ADK: variants seen among roughly 807,000 people sequenced by gnomAD.
The protein encoded by ADK is N6,N6-dimethyladenosine kinase.
ADK carries 24 observed loss-of-function variants against 44.7 expected under a neutral mutation model. The ratio of observed to expected loss-of-function variants is 0.54; its 90% CI spans 0.39 to 0.76. ADK has a LOEUF of 0.76. Among genes scored for constraint, ADK ranks in the 30% least tolerant of loss-of-function variants. ADK has a pLI of 0.00. For synonymous variants in ADK, 128 were observed against 142.6 expected, an observed-to-expected ratio of 0.90 and a Z score of 0.73; for missense variants, 321 against 425.1, an observed-to-expected ratio of 0.76 and a Z score of 2.15.
At chr10:74,505,320 G>A (rs1159763255) in intron 6 of ADK, among the ~76,000 whole-genome samples, 1 of 152,078 alleles carries the variant, frequency 6.6e-6, no homozygotes, top group Non-Finnish European at 1.5e-5. Flanking sequence ...TGAATAACTG[G>A]AATCATTCTG....
chr10:74,247,222 AAGT>A (rs1845450875), intron 3 of ADK, among the ~76,000 whole-genome samples: 3 of 97,470 alleles, frequency 3.1e-5, no homozygotes, highest in Non-Finnish European at 4.3e-5. Context: ...TTTTTTTTTT[AAGT>A]TTTTTTTTTT....
chr10:74,463,212 G>C (rs1031964949), intron 6 of ADK, among the ~76,000 whole-genome samples: 5 of 152,258 alleles, frequency 3.3e-5, no homozygotes, highest in South Asian at 2.1e-4. Flanking sequence ...AGGGCAGGGT[G>C]GGGGAGGGGT....
intron 6 of ADK, among the ~76,000 whole-genome samples, chr10:74,474,477 C>G (rs1213690336): frequency 6.6e-6 from 1 of 151,418 alleles, no homozygotes; most frequent in Non-Finnish European, 1.5e-5. Context: ...TTCTTTCTTT[C>G]TTTTTCTCTC....
intron 10 of ADK, among the ~76,000 whole-genome samples, chr10:74,699,148 C>CTTTTTTT (rs58818883): frequency 8.1e-6 from 1 of 123,938 alleles, no homozygotes; most frequent in Non-Finnish European, 1.6e-5. Context: ...CCAACCTAGC[C>CTTTTTTT]TTTTTTTTTT....
intron 4 of ADK, among the ~76,000 whole-genome samples, chr10:74,335,650 C>T (rs1431187721): frequency 6.6e-6 from 1 of 152,010 alleles, no homozygotes; most frequent in Non-Finnish European, 1.5e-5. Context: ...TTTCACATTC[C>T]CACTAGTAAT....
chr10:74,441,233 A>G (rs1158210639), intron 6 of ADK, among the ~76,000 whole-genome samples: 1 of 152,176 alleles, frequency 6.6e-6, no homozygotes, highest in African/African-American at 2.4e-5. Context: ...GCTTTATCTT[A>G]ACACCCACTA....
In ADK at chr10:74,475,611, GC is replaced by G. The variant is rs529068746; in HGVS notation, c.556-49644del. On this transcript the variant is annotated intron_variant, in intron 6 of 10. Transcript: ENST00000539909. ...AGACCTAGCTACTTGGGAGGTTTAG[GC>G]AGGAGAATTGCATGAGCCCAGGAGG... Among the ~76,000 whole-genome samples the G allele has an allele frequency of 1.1e-4, 16 of 152,106 alleles. No individual in the cohort carries two copies. In the East Asian group the frequency reaches 2.9e-3, roughly 28 times the overall value.
intron 3 of ADK, among the ~76,000 whole-genome samples, chr10:74,262,140 G>A (rs1393346302): frequency 6.6e-6 from 1 of 151,872 alleles, no homozygotes; most frequent in Non-Finnish European, 1.5e-5. Flanking sequence ...CCAACATGGC[G>A]AAACCCTGTG....
chr10:74,638,657 A>C (rs1047118443), intron 9 of ADK, among the ~76,000 whole-genome samples: 4 of 152,204 alleles, frequency 2.6e-5, no homozygotes, highest in Non-Finnish European at 5.9e-5. Flanking sequence ...ACCATGTCTC[A>C]TTCAATCAAA....
At chr10:74,286,977 G>A (rs1048731003) in intron 3 of ADK, among the ~76,000 whole-genome samples, 14 of 152,022 alleles carry the variant, frequency 9.2e-5, no homozygotes, top group Admixed American at 4.6e-4. Context: ...ATGAGCCACC[G>A]CGAGTGGTCT....
chr10:74,205,977 A>G (rs955047687), intron 2 of ADK, among the ~76,000 whole-genome samples: 1 of 152,226 alleles, frequency 6.6e-6, no homozygotes, highest in Admixed American at 6.5e-5. Context: ...TATGTCAGTT[A>G]TATATCAAAG....
chr10:74,224,010 A>G (rs7073742), intron 2 of ADK, among the ~76,000 whole-genome samples: 4,847 of 152,218 alleles, frequency 0.032, 274 homozygotes, highest in African/African-American at 0.11. Context: ...AATCGCTTGA[A>G]CAGGTTGCAC....
At chr10:74,485,609 T>A (rs1847240190) in intron 6 of ADK, among the ~76,000 whole-genome samples, 1 of 152,136 alleles carries the variant, frequency 6.6e-6, no homozygotes, top group Non-Finnish European at 1.5e-5. Flanking sequence ...AAATGCTGCA[T>A]AAAATTAGAA....
intron 9 of ADK, among the ~76,000 whole-genome samples, chr10:74,614,292 A>G (rs1229113185): frequency 6.6e-6 from 1 of 152,140 alleles, no homozygotes; most frequent in Non-Finnish European, 1.5e-5. Context: ...GCCCTATTAT[A>G]GCACTGATTT....
At chr10:74,436,399 G>T (rs1845179610) in intron 6 of ADK, among the ~76,000 whole-genome samples, 1 of 150,784 alleles carries the variant, frequency 6.6e-6, no homozygotes, top group South Asian at 2.1e-4. Flanking sequence ...ATAAGGAATA[G>T]AAAATATATT....
intron 2 of ADK, among the ~76,000 whole-genome samples, chr10:74,206,049 CTT>C (rs1843584684): frequency 6.6e-6 from 1 of 151,984 alleles, no homozygotes. Flanking sequence ...AATTAGATCT[CTT>C]TTGTTTGTGT....
At chr10:74,572,966 G>C (rs1489146002) in intron 7 of ADK, among the ~76,000 whole-genome samples, 1 of 152,200 alleles carries the variant, frequency 6.6e-6, no homozygotes, top group Middle Eastern at 3.4e-3. Context: ...CTGTAGCTCG[G>C]AGTAGTTTGA....
At position 74,609,679 on chromosome 10, in the gene ADK, A is replaced by C. The variant is rs549884624; in HGVS notation, c.877+9186A>C. On this transcript the variant is annotated intron_variant, in intron 9 of 10. Coordinates refer to ENST00000539909, the MANE Select transcript of ADK (RefSeq NM_006721.4). ...GGAGGTGCAGACCGGAGCTGTTCCT[A>C]TTCAGCCATCTTGCCAGCCACCCAA... is the stretch of plus-strand genomic sequence containing the variant. Among the ~76,000 whole-genome samples the C allele has an allele frequency of 4.6e-5, 7 of 152,168 alleles. No individual in the cohort carries two copies. In the South Asian group the frequency reaches 1.2e-3, roughly 27 times the overall value.
chr10:74,380,484 G>A lies in ADK; in HGVS notation c.274-13657G>A, dbSNP rs553482148. ...TGAGAAGAATAGTTCTTCTCCGGGC[G>A]CAGTGGCTCACATCTGTAATCCCAG... On this transcript the variant is annotated intron_variant, in intron 4 of 10. Coordinates refer to ENST00000539909, the MANE Select transcript of ADK (RefSeq NM_006721.4). 2.2e-3 allele frequency among the ~76,000 whole-genome samples: 337 copies of A among 152,154 alleles called. 2 individuals carry two copies. The highest frequency in any genetic ancestry group is 3.4e-3 in the Non-Finnish European group (232 of 68,006).
Sources: gnomAD v4.1 joint callset for allele counts (sites outside exome capture counted in the v4.1 genomes callset) on GRCh38, gnomAD v4.1.1 for gene constraint, MANE v1.5 for transcripts, NCBI Gene and HGNC (gene_info 2026-07-23, HGNC 2026-07-21) for gene names.